SEMA3A: variants seen among roughly 807,000 people sequenced by gnomAD.
SEMA3A encodes the protein semaphorin 3A, also known as semaphorin-3A.
SEMA3A carries 29 observed loss-of-function variants against 97.9 expected under a neutral mutation model. That is an observed-to-expected ratio of 0.30 (90% CI 0.22 to 0.40). The LOEUF is 0.40. Among genes scored for constraint, SEMA3A ranks in the 10% least tolerant of loss-of-function variants. The pLI is 1.00. For synonymous variants in SEMA3A, 321 were observed against 323.7 expected (o/e 0.99, Z 0.09); for missense variants, 763 against 951.3 (o/e 0.80, Z 2.60).
At chr7:84,420,120 A>T (rs1478233374) in intron 1 of SEMA3A, among the ~76,000 whole-genome samples, 7 of 152,140 alleles carry the variant, frequency 4.6e-5, no homozygotes, top group Non-Finnish European at 7.3e-5. Context: ...ATAGGATTCA[A>T]ATATTCAGAT....
At chr7:84,169,386 G>A (rs964178304) in intron 1 of SEMA3A, among the ~76,000 whole-genome samples, 1 of 150,620 alleles carries the variant, frequency 6.6e-6, no homozygotes, top group Admixed American at 6.6e-5. Flanking sequence ...ACATACTATT[G>A]TAAAATTTGA....
chr7:84,423,213 T>G (rs1032899036), intron 1 of SEMA3A, among the ~76,000 whole-genome samples: 1 of 146,460 alleles, frequency 6.8e-6, no homozygotes, highest in Non-Finnish European at 1.5e-5. Flanking sequence ...CTCATACCAT[T>G]AGAATACTAT....
intron 2 of SEMA3A, among the ~76,000 whole-genome samples, chr7:84,321,886 AAAAAAAAAAAAAAGAAG>A (rs1261325801): frequency 7.2e-6 from 1 of 139,820 alleles, no homozygotes; most frequent in African/African-American, 2.6e-5. Flanking sequence ...AAAAAAAAAA[AAAAAAAAAAAAAAGAAG>A]AAGAAGAAGG....
rs561247651 is a variant in SEMA3A, at chr7:84,313,346, A to G, written c.-168-6054T>C. On this transcript the variant is annotated intron_variant, in intron 2 of 3. Coordinates refer to the SEMA3A transcript ENST00000424555. The stretch of plus-strand genomic sequence containing the variant: ...ATATAATACATATATATATATGTAT[A>G]TGTGTGTGTGTATATATATATATAT... 9.6e-3 allele frequency among the ~76,000 whole-genome samples: 319 copies of G among 33,208 alleles called. 7 individuals are homozygous for G. Among genetic ancestry groups the G allele is most frequent in the African/African-American group, 0.027 (304 of 11,112 alleles). 21.8% of individuals were successfully genotyped at this position (33,208 alleles called of 152,430 possible).
chr7:84,230,961 C>A (rs1399288667), intron 3 of SEMA3A, among the ~76,000 whole-genome samples: 1 of 151,990 alleles, frequency 6.6e-6, no homozygotes, highest in East Asian at 1.9e-4. Context: ...GTTTACCCCC[C>A]AATCTTAAGA....
intron 2 of SEMA3A, among the ~76,000 whole-genome samples, chr7:84,334,674 C>T (rs1801993278): frequency 6.7e-6 from 1 of 150,064 alleles, no homozygotes; most frequent in South Asian, 2.1e-4. Context: ...ATGTTCTTTT[C>T]CCCAACCTCA....
At chr7:84,129,353 G>A (rs529554936) in intron 2 of SEMA3A, among the ~76,000 whole-genome samples, 168 bp from the exon 3 acceptor site, 2 of 152,170 alleles carry the variant, frequency 1.3e-5, no homozygotes, top group Non-Finnish European at 2.9e-5. Flanking sequence ...GTTAATTGGT[G>A]TGAACATAAG....
Position 84,204,006 on chromosome 7 carries a change from AC to A in SEMA3A, c.-82-9339del, listed in dbSNP as rs1798425623. 2.6e-5 allele frequency among the ~76,000 whole-genome samples: 4 copies of A among 152,162 alleles called. No homozygotes were observed. The South Asian group carries it at 6.2e-4, about 24-fold the overall frequency. ...AACATAGGAAATTTCATTGTTATTA[AC>A]TTTTATACAATTATATATCTCTTTT... On this transcript the variant is annotated intron_variant, in intron 3 of 3. Coordinates refer to the SEMA3A transcript ENST00000424555.
intron 3 of SEMA3A, among the ~76,000 whole-genome samples, chr7:84,286,970 A>G (rs1800604896): frequency 6.6e-6 from 1 of 152,160 alleles, no homozygotes; most frequent in Non-Finnish European, 1.5e-5. Context: ...TGTAATGTTT[A>G]AAAACTATAT....
intron 1 of SEMA3A, chr7:84,492,361 C>T (rs1264629434): frequency 1.3e-5 from 2 of 151,986 alleles, no homozygotes. Flanking sequence ...TAAGCTTTGT[C>T]CTAGTTCACT....
chr7:84,163,390 G>A (rs2116173981), intron 1 of SEMA3A, among the ~76,000 whole-genome samples: 1 of 151,976 alleles, frequency 6.6e-6, no homozygotes, highest in South Asian at 2.1e-4. Flanking sequence ...TATATAGTAA[G>A]AGGCCAAAAA....
chr7:84,231,665 T>C lies in SEMA3A; in HGVS notation c.-82-36997A>G, dbSNP rs370209398. 5.9e-5 allele frequency among the ~76,000 whole-genome samples: 9 copies of C among 151,872 alleles called. 1 individual carries two copies. The highest frequency in any genetic ancestry group is 1.3e-4 in the Admixed American group (2 of 15,188). ...CAGTGACAGAAAGAGTCTTGGGAAG[T>C]TTGAGAAAACTTTTGAGGCCAGAAG... On this transcript the variant is annotated intron_variant, in intron 3 of 3. Coordinates refer to the SEMA3A transcript ENST00000424555.
intron 2 of SEMA3A, among the ~76,000 whole-genome samples, chr7:84,318,933 T>G (rs114873821): frequency 0.011 from 1,627 of 152,288 alleles, 32 homozygotes; most frequent in African/African-American, 0.036. Context: ...TCTCCTAATA[T>G]ACTACATAGA....
At chr7:84,401,526 C>G (rs1346764161) in intron 1 of SEMA3A, among the ~76,000 whole-genome samples, 1 of 149,186 alleles carries the variant, frequency 6.7e-6, no homozygotes, top group African/African-American at 2.5e-5. Flanking sequence ...TTGCATGGAA[C>G]TACAGAAGAT....
chr7:84,235,846 A>T (rs1200795989), intron 3 of SEMA3A, among the ~76,000 whole-genome samples: 1 of 152,074 alleles, frequency 6.6e-6, no homozygotes, highest in Non-Finnish European at 1.5e-5. Flanking sequence ...TTGCATCTCA[A>T]GCTCTTTCAC....
intron 2 of SEMA3A, among the ~76,000 whole-genome samples, chr7:84,346,004 G>A (rs921517747): frequency 6.6e-6 from 1 of 152,156 alleles, no homozygotes; most frequent in African/African-American, 2.4e-5. Context: ...GTTTAGTCTA[G>A]TTACCTTTGT....
chr7:84,321,633 T>C lies in SEMA3A; in HGVS notation c.-168-14341A>G, dbSNP rs189041514. Among the ~76,000 whole-genome samples, 275 of 151,942 alleles carry C rather than the reference T, an allele frequency of 1.8e-3. 3 individuals are homozygous for C. The highest frequency in any genetic ancestry group is 6.3e-3 in the African/African-American group (262 of 41,458). ...GGCTCACGCCTGTCATCACAGCACT[T>C]TGGGAGGCCAAAGCAGGCAGATCAT... is the stretch of plus-strand genomic sequence containing the variant. On this transcript the variant is annotated intron_variant, in intron 2 of 3. Transcript: ENST00000424555.
chr7:84,070,056 A>G (rs1793683903), intron 4 of SEMA3A, among the ~76,000 whole-genome samples: 1 of 152,148 alleles, frequency 6.6e-6, no homozygotes, highest in Non-Finnish European at 1.5e-5. Context: ...TATGCAAGTA[A>G]TAAGACTGAA....
intron 6 of SEMA3A, among the ~76,000 whole-genome samples, chr7:84,019,083 T>C (rs998897020): frequency 7.9e-5 from 12 of 152,094 alleles, no homozygotes; most frequent in Non-Finnish European, 1.3e-4. Context: ...CAGAGATCAA[T>C]TGAAAATAGA....
Sources: gnomAD v4.1 joint callset for allele counts (sites outside exome capture counted in the v4.1 genomes callset) on GRCh38, gnomAD v4.1.1 for gene constraint, MANE v1.5 for transcripts, NCBI Gene and HGNC (gene_info 2026-07-23, HGNC 2026-07-21) for gene names.